The following NLRP4 variants were observed in gnomAD, a reference collection of about 807,000 sequenced individuals.
NLRP4 encodes NLR family pyrin domain containing 4.
In NLRP4, 44 loss-of-function variants were observed where a neutral mutation model predicts 84.7. That is an observed-to-expected ratio of 0.52 (90% confidence interval 0.41 to 0.67). NLRP4 has a LOEUF of 0.67. NLRP4 is among the 30% of genes least tolerant of loss of function. The pLI is 0.00. For missense variants in NLRP4, 1,260 were observed against 1,219.4 expected, an observed-to-expected ratio of 1.03 and a Z score of -0.50; for synonymous variants, 544 against 476.4, an observed-to-expected ratio of 1.14 and a Z score of -1.85.
chr19:55,852,300 A>G lies in NLRP4; in HGVS notation c.220A>G (p.Arg74Gly), dbSNP rs755424446. 36 of 1,606,566 alleles carry G rather than the reference A, an allele frequency of 2.2e-5. No homozygotes were observed. Among genetic ancestry groups the G allele is most frequent in the Non-Finnish European group, 2.9e-5 (34 of 1,177,454 alleles). Residue 74 changes from arginine to glycine, a missense_variant, in exon 2 of 10, where the codon AGA becomes GGA. This residue lies in a region of NLRP4 where 712 missense variants were observed against 669.2 expected (regional missense o/e 1.06). Coordinates refer to ENST00000301295, the MANE Select transcript of NLRP4 (RefSeq NM_134444.5). ...ACAACAAGCTTGGAACATAACCTTA[A>G]GAATCTTTCAAAAGATGGATAGAAA... ...EEQQAWNITL[R>G]IFQKMDRKDL...
rs1398640131 is a variant in NLRP4 at position 55,859,945 on chromosome 19, AAAAAAAAC to A, written c.1856+701_1856+708del. ...CATCTCCAAAAAAAAAAAAAAAAAA[AAAAAAAAC>A]AAAACACAAATCATACAAATTTTCT... On this transcript the variant is annotated intron_variant, in intron 3 of 9. Coordinates refer to ENST00000301295, the MANE Select transcript of NLRP4 (RefSeq NM_134444.5). Among the ~76,000 whole-genome samples, 144 of 124,372 alleles carry A rather than the reference AAAAAAAAC, an allele frequency of 1.2e-3. 4 individuals are homozygous for A. Among genetic ancestry groups the A allele is most frequent in the African/African-American group, 3.7e-3 (135 of 36,762 alleles). The allele number at this position is 124,372 out of a possible 152,430, so 81.6% of individuals were successfully genotyped here. A position where few individuals can be genotyped will look rare whatever the true frequency, so the allele number is the denominator to read the frequency against.
intron 8 of NLRP4, 123 bp from the exon 9 acceptor site, chr19:55,878,671 T>C: frequency 1.3e-6 from 1 of 772,310 alleles, no homozygotes; most frequent in South Asian, 2.0e-5. Flanking sequence ...TCGTAAACAC[T>C]GGACTGTGAG....
chr19:55,862,725 T>C (rs1201321285), intron 5 of NLRP4, among the ~76,000 whole-genome samples: 1 of 151,050 alleles, frequency 6.6e-6, no homozygotes, highest in Non-Finnish European at 1.5e-5. Flanking sequence ...CAGAGAAGAC[T>C]ATAGCGTAAG....
intron 9 of NLRP4, among the ~76,000 whole-genome samples, chr19:55,881,136 CGTGTGTGTGTGTGTGT>C (rs56806641): frequency 1.4e-5 from 2 of 139,496 alleles, no homozygotes; most frequent in Non-Finnish European, 1.5e-5. Flanking sequence ...GTGAGAGCCA[CGTGTGTGTGTGTGTGT>C]GTGTGTGTGT....
intron 2 of NLRP4, among the ~76,000 whole-genome samples, chr19:55,854,160 CAG>C (rs1984318773): frequency 6.6e-6 from 1 of 151,814 alleles, no homozygotes; most frequent in Admixed American, 6.6e-5. Flanking sequence ...TTAGTAGAAA[CAG>C]GGTTTCCCCA....
At chr19:55,849,923 TAATTTCCGTAGCCGC>T in intron 1 of NLRP4, among the ~76,000 whole-genome samples, 2 of 145,260 alleles carry the variant, frequency 1.4e-5, no homozygotes, top group Admixed American at 1.4e-4. Context: ...AGCCGCGGTG[TAATTTCCGTAGCCGC>T]GGTGTAATTT....
Position 55,867,722 on chromosome 19 carries a change from C to T in NLRP4, c.2200C>T (p.His734Tyr), listed in dbSNP as rs146436889. ...NVKELALVNC[H>Y]LSPIDCEVLA... The stretch of plus-strand genomic sequence containing the variant: ...CCTTTCCTGCAGGCTGGTAAATTGT[C>T]ACCTCTCACCCATTGATTGTGAAGT... The change falls in exon 6 of 10, where the codon CAC becomes TAC. Residue 734 changes from histidine to tyrosine, a missense_variant. By Grantham distance (83) the His-to-Tyr change is moderately conservative. This residue lies in a region of NLRP4 where 544 missense variants were observed against 531.7 expected (regional missense o/e 1.02). Coordinates refer to ENST00000301295, the MANE Select transcript of NLRP4 (RefSeq NM_134444.5). 2.2e-5 allele frequency: 35 copies of T among 1,613,222 alleles called. No individual in the cohort carries two copies. In the African/African-American group the frequency reaches 3.1e-4, roughly 14 times the overall value.
intron 1 of NLRP4, among the ~76,000 whole-genome samples, chr19:55,845,871 G>T (rs113078754): frequency 8.4e-6 from 1 of 119,242 alleles, no homozygotes; most frequent in Non-Finnish European, 1.6e-5. Context: ...TTTTGATGGG[G>T]TTGTTTTTTT....
chr19:55,866,095 A>G (rs1984944806), intron 5 of NLRP4, among the ~76,000 whole-genome samples: 1 of 151,998 alleles, frequency 6.6e-6, no homozygotes. Flanking sequence ...GTGCAGTGGT[A>G]CAATCTCAGT....
intron 1 of NLRP4, among the ~76,000 whole-genome samples, chr19:55,847,753 T>C (rs4801633): frequency 0.1 from 15,707 of 150,164 alleles, 1,145 homozygotes; most frequent in African/African-American, 0.21. Flanking sequence ...CTCGCTCTGT[T>C]GCCCAGGCTG....
intron 1 of NLRP4, among the ~76,000 whole-genome samples, chr19:55,845,948 G>A (rs562669883): frequency 1.3e-4 from 20 of 151,518 alleles, no homozygotes; most frequent in Non-Finnish European, 2.6e-4. Context: ...AGTAGGTTGC[G>A]AAAATTTTCT....
At chr19:55,859,347 A>G in intron 3 of NLRP4, 98 bp downstream of exon 3, 1 of 981,994 alleles carries the variant, frequency 1.0e-6, no homozygotes, top group Non-Finnish European at 1.5e-6. Flanking sequence ...TCATGGTTAG[A>G]AACTCATTTT....
At chr19:55,867,639 C>A in intron 5 of NLRP4, 70 bp from the exon 6 acceptor site, 1 of 1,421,014 alleles carries the variant, frequency 7.0e-7, no homozygotes, top group Non-Finnish European at 9.8e-7. Context: ...CCGACTCTGA[C>A]AGGATTGGCA....
At chr19:55,856,671 A>C (rs1014416370) in intron 2 of NLRP4, among the ~76,000 whole-genome samples, 2 of 151,386 alleles carry the variant, frequency 1.3e-5, no homozygotes, top group Non-Finnish European at 2.9e-5. Flanking sequence ...ACACACCACC[A>C]CGCCCGGCTA....
intron 9 of NLRP4, among the ~76,000 whole-genome samples, chr19:55,879,868 ATATT>A (rs1263493080): frequency 2.6e-5 from 4 of 151,978 alleles, no homozygotes; most frequent in African/African-American, 7.2e-5. Context: ...TATATTTTAA[ATATT>A]TATGTGTAAA....
intron 1 of NLRP4, among the ~76,000 whole-genome samples, chr19:55,846,676 C>T (rs981790975): frequency 2.0e-5 from 3 of 152,080 alleles, no homozygotes; most frequent in Non-Finnish European, 4.4e-5. Flanking sequence ...TTTAGTGTGT[C>T]TAGGGAAGGA....
chr19:55,853,903 C>CTCTCTTTCTT (rs1555808051), intron 2 of NLRP4, among the ~76,000 whole-genome samples: 90 of 134,956 alleles, frequency 6.7e-4, no homozygotes, highest in African/African-American at 3.0e-3. Context: ...CTCTCTCTCT[C>CTCTCTTTCTT]TCTTTCTCTT....
intron 2 of NLRP4, among the ~76,000 whole-genome samples, chr19:55,854,006 G>A (rs1475325964): frequency 6.6e-6 from 1 of 150,744 alleles, no homozygotes; most frequent in East Asian, 2.0e-4. Context: ...GTCACGCTCT[G>A]TCGCCCAGGC....
At chr19:55,841,103 T>C (rs2122991862) in intron 1 of NLRP4, among the ~76,000 whole-genome samples, 1 of 152,360 alleles carries the variant, frequency 6.6e-6, no homozygotes, top group Non-Finnish European at 1.5e-5. Context: ...ATCAGGGTAA[T>C]TATCATATCT....
Sources: allele counts gnomAD v4.1 joint callset (sites outside exome capture counted in the v4.1 genomes callset), GRCh38; gene constraint gnomAD v4.1.1; regional missense constraint gnomAD v4.1.1; transcripts MANE v1.5; gene names NCBI Gene and HGNC (gene_info 2026-07-23, HGNC 2026-07-21).